The following SPAG16 variants were observed in gnomAD, a reference collection of about 807,000 sequenced individuals.
SPAG16 encodes the protein sperm-associated antigen 16 protein.
Under a neutral mutation model 80.4 loss-of-function variants are expected in SPAG16, and 86 were observed. That is an observed-to-expected ratio of 1.07 (90% CI 0.90 to 1.28). The LOEUF is 1.28. SPAG16 is among the 50% of genes most tolerant of loss of function. The pLI, the probability that SPAG16 is intolerant of heterozygous loss-of-function variation, is 0.00. For missense variants in SPAG16, 870 were observed against 765.3 expected (o/e 1.14, Z -1.61); for synonymous variants, 294 against 265.9 (o/e 1.11, Z -1.03).
chr2:213,950,920 C>T (rs1357016733), intron 12 of SPAG16, among the ~76,000 whole-genome samples: 1 of 151,536 alleles, frequency 6.6e-6, no homozygotes, highest in African/African-American at 2.4e-5. Context: ...TCTATGTTGC[C>T]CAGGCTGGCC....
At chr2:213,285,908 G>GC (rs1422592526) in intron 1 of SPAG16, 1 of 1,289,298 alleles carries the variant, frequency 7.8e-7, no homozygotes, top group African/African-American at 1.5e-5. Flanking sequence ...CAGTGCCCTT[G>GC]CTACTGAATG....
chr2:213,428,074 C>T (rs930565627), intron 9 of SPAG16, among the ~76,000 whole-genome samples: 2 of 152,044 alleles, frequency 1.3e-5, no homozygotes, highest in Non-Finnish European at 2.9e-5. Flanking sequence ...TCTGAAGAAG[C>T]AAAATAGTGT....
intron 10 of SPAG16, among the ~76,000 whole-genome samples, chr2:213,790,788 A>C (rs927029405): frequency 6.6e-6 from 1 of 152,050 alleles, no homozygotes; most frequent in Non-Finnish European, 1.5e-5. Flanking sequence ...TGCCTGTATA[A>C]TGATTTTGTC....
At chr2:213,638,283 G>T (rs1281787511) in intron 10 of SPAG16, among the ~76,000 whole-genome samples, 1 of 151,816 alleles carries the variant, frequency 6.6e-6, no homozygotes, top group Non-Finnish European at 1.5e-5. Context: ...TCTTCTGCTG[G>T]GTTTGGGTTT....
At chr2:214,308,650 G>A (rs1234218318) in intron 15 of SPAG16, among the ~76,000 whole-genome samples, 1 of 151,950 alleles carries the variant, frequency 6.6e-6, no homozygotes, top group Non-Finnish European at 1.5e-5. Flanking sequence ...ATGAAGCTTA[G>A]TTTGGCCAGA....
At chr2:213,357,216 G>A (rs1409428413) in intron 7 of SPAG16, among the ~76,000 whole-genome samples, 1 of 152,110 alleles carries the variant, frequency 6.6e-6, no homozygotes, top group Admixed American at 6.5e-5. Context: ...ATGGTGCCAA[G>A]CAGAATGTAT....
chr2:214,404,297 A>G (rs536851083), intron 15 of SPAG16, among the ~76,000 whole-genome samples: 1 of 152,348 alleles, frequency 6.6e-6, no homozygotes, highest in South Asian at 2.1e-4. Flanking sequence ...ATATTCTGCA[A>G]CTGCCACACG....
At chr2:213,984,794 T>C (rs1345654067) in intron 12 of SPAG16, among the ~76,000 whole-genome samples, 1 of 152,058 alleles carries the variant, frequency 6.6e-6, no homozygotes, top group Non-Finnish European at 1.5e-5. Context: ...TCCCTCTCTC[T>C]AGTGCTGACG....
intron 15 of SPAG16, among the ~76,000 whole-genome samples, chr2:214,258,579 A>G (rs987605845): frequency 2.4e-4 from 36 of 151,412 alleles, no homozygotes; most frequent in African/African-American, 8.7e-4. Flanking sequence ...TATTTCTGCA[A>G]TTGTGAAGTG....
chr2:214,252,327 G>A (rs566793539), intron 15 of SPAG16, among the ~76,000 whole-genome samples: 10 of 151,598 alleles, frequency 6.6e-5, no homozygotes, highest in South Asian at 4.2e-4. Context: ...TTAAGTTCTG[G>A]GGTACATGTG....
At chr2:213,703,635 G>A (rs2065602805) in intron 10 of SPAG16, among the ~76,000 whole-genome samples, 1 of 152,108 alleles carries the variant, frequency 6.6e-6, no homozygotes. Flanking sequence ...TTCAAGAAAA[G>A]ACTCATTGTC....
At chr2:213,864,087 C>T (rs1252027705) in intron 11 of SPAG16, among the ~76,000 whole-genome samples, 1 of 151,866 alleles carries the variant, frequency 6.6e-6, no homozygotes. Context: ...TCATTAGAAA[C>T]AACAACAAAA....
chr2:213,686,107 T>C (rs544418639), intron 10 of SPAG16, among the ~76,000 whole-genome samples: 1 of 152,312 alleles, frequency 6.6e-6, no homozygotes, highest in African/African-American at 2.4e-5. Flanking sequence ...TCCTAGTTCC[T>C]CTATGTGTTA....
chr2:214,129,929 G>A (rs1010734674), intron 14 of SPAG16, among the ~76,000 whole-genome samples: 1 of 151,916 alleles, frequency 6.6e-6, no homozygotes. Context: ...ATACTTACCG[G>A]TATTAACAAA....
chr2:213,333,650 C>G (rs2064207047), intron 5 of SPAG16, among the ~76,000 whole-genome samples: 2 of 152,004 alleles, frequency 1.3e-5, no homozygotes, highest in South Asian at 4.2e-4. Context: ...GACATAAAAC[C>G]AAACACATAG....
intron 10 of SPAG16, among the ~76,000 whole-genome samples, chr2:213,503,902 G>A (rs187224542): frequency 6.6e-6 from 1 of 152,280 alleles, no homozygotes; most frequent in East Asian, 1.9e-4. Context: ...TGGAAAGCCA[G>A]CAAACTGAGA....
intron 15 of SPAG16, among the ~76,000 whole-genome samples, chr2:214,379,745 C>G (rs895056020): frequency 2.0e-5 from 3 of 152,216 alleles, no homozygotes; most frequent in Non-Finnish European, 4.4e-5. Flanking sequence ...TAAGCACAGT[C>G]ACATTGATCA....
rs533434582 is a variant in SPAG16, at chr2:214,385,254, T to C, written c.1721-24886T>C. ...ACTTCTTAGTGCCTCATTTGTAAAATGGGGTGAAAGATAACAGTCCCTACC... is the reference window on the plus strand; with the variant it reads ...ACTTCTTAGTGCCTCATTTGTAAAACGGGGTGAAAGATAACAGTCCCTACC... On this transcript the variant is annotated intron_variant, in intron 15 of 15. Transcript: ENST00000331683. Among the ~76,000 whole-genome samples the C allele has an allele frequency of 5.6e-4, 85 of 151,498 alleles. No individual in the cohort carries two copies. The East Asian group carries it at 0.012, about 21-fold the overall frequency.
intron 10 of SPAG16, among the ~76,000 whole-genome samples, chr2:213,536,837 C>G (rs11676279): frequency 0.39 from 58,779 of 151,868 alleles, 11,650 homozygotes; most frequent in Middle Eastern, 0.53. Context: ...GACTATAAAT[C>G]ATGCTGCTAT....
Sources: gnomAD v4.1 joint callset for allele counts (sites outside exome capture counted in the v4.1 genomes callset) on GRCh38, gnomAD v4.1.1 for gene constraint, MANE v1.5 for transcripts, NCBI Gene and HGNC (gene_info 2026-07-23, HGNC 2026-07-21) for gene names.